The following ZNF710 variants were observed in gnomAD, a reference collection of about 807,000 sequenced individuals.
The protein encoded by ZNF710 is zinc finger protein 710.
ZNF710 carries 13 observed loss-of-function variants against 50.6 expected under a neutral mutation model. The ratio of observed to expected loss-of-function variants is 0.26; its 90% CI spans 0.17 to 0.41. The LOEUF is 0.41. Among genes scored for constraint, ZNF710 ranks in the 10% least tolerant of loss-of-function variants. The pLI, the probability that ZNF710 is intolerant of heterozygous loss-of-function variation, is 1.00. For synonymous variants in ZNF710, 383 were observed against 397.0 expected (o/e 0.96, Z 0.42); for missense variants, 721 against 936.6 (o/e 0.77, Z 3.01).
At position 90,018,170 on chromosome 15, in the gene ZNF710, CTTTTTTTTT is replaced by C. The variant is rs5814406; in HGVS notation, c.-29+16564_-29+16572del. Among the ~76,000 whole-genome samples, 10 of 128,392 alleles carry C rather than the reference CTTTTTTTTT, an allele frequency of 7.8e-5. No homozygotes were observed. In the South Asian group the frequency reaches 2.4e-3, roughly 31 times the overall value. The allele number at this position is 128,392 out of a possible 152,430, so 84.2% of individuals were successfully genotyped here. Reference sequence around the variant, plus strand: ...TTTTGGGGCTTTTCTTTTCTTTTTTCTTTTTTTTTTTTTTTTGAAATGGAGTCTTGCTCT... The same window carrying C: ...TTTTGGGGCTTTTCTTTTCTTTTTTCTTTTTTTGAAATGGAGTCTTGCTCT... On this transcript the variant is annotated intron_variant, in intron 1 of 4. Transcript: ENST00000268154.
Position 90,079,737 on chromosome 15 carries a change from G to T in ZNF710, c.1903G>T (p.Ala635Ser). ...GGAGATGGAGGACTTCGAGGAGAACGCCTACAGCTATGCGAGCGTGGACAG... is the reference window on the plus strand; with the variant it reads ...GGAGATGGAGGACTTCGAGGAGAACTCCTACAGCTATGCGAGCGTGGACAG... The part of the protein sequence containing the change: ...QQEMEDFEEN[A>S]YSYASVDSSA... The change falls in exon 5 of 5, where the codon GCC becomes TCC. Residue 635 changes from alanine to serine, a missense_variant. Ala to Ser is a moderately conservative substitution (Grantham distance 99, BLOSUM62 1). Coordinates refer to ENST00000268154, the MANE Select transcript of ZNF710 (RefSeq NM_198526.4). 6.2e-7 allele frequency: 1 copy of T among 1,613,848 alleles called. No homozygotes were observed. Among genetic ancestry groups the T allele is most frequent in the Middle Eastern group, 1.7e-4 (1 of 6,058 alleles).
At chr15:90,043,261 GC>G (rs1899356016) in intron 1 of ZNF710, among the ~76,000 whole-genome samples, 1 of 152,356 alleles carries the variant, frequency 6.6e-6, no homozygotes, top group Admixed American at 6.5e-5. Flanking sequence ...CTGGTTAAGG[GC>G]CCGAGGGCTC....
intron 1 of ZNF710, among the ~76,000 whole-genome samples, chr15:90,001,932 G>A (rs1478361897): frequency 6.9e-6 from 1 of 144,586 alleles, no homozygotes; most frequent in East Asian, 2.1e-4. Flanking sequence ...GAGGGAGCGA[G>A]CGAAAGAGGG....
chr15:90,029,655 G>A (rs982265106), intron 1 of ZNF710, among the ~76,000 whole-genome samples: 12 of 152,168 alleles, frequency 7.9e-5, no homozygotes, highest in Admixed American at 4.6e-4. Flanking sequence ...CAACTCTGTC[G>A]TCTAGGCTGG....
At position 90,057,772 on chromosome 15, in the gene ZNF710, C is replaced by T. The variant is rs1369733582; in HGVS notation, c.-28-9338C>T. ...AAGAAGCCTCTAGAAAATCCCATGT[C>T]CAGGCCCTGAACCCAGAGATTCTGG... is the stretch of plus-strand genomic sequence containing the variant. On this transcript the variant is annotated intron_variant, in intron 1 of 4. Coordinates refer to ENST00000268154, the MANE Select transcript of ZNF710 (RefSeq NM_198526.4). Among the ~76,000 whole-genome samples the T allele has an allele frequency of 2.0e-5, 3 of 151,536 alleles. No individual in the cohort carries two copies. In the East Asian group the frequency reaches 5.8e-4, roughly 29 times the overall value.
In ZNF710 at chr15:90,052,378, G is replaced by T. The variant is rs138126454; in HGVS notation, c.-28-14732G>T. Among the ~76,000 whole-genome samples, 5 of 152,218 alleles carry T rather than the reference G, an allele frequency of 3.3e-5. No individual in the cohort carries two copies. The East Asian group carries it at 9.7e-4, about 29-fold the overall frequency. Reference sequence around the variant, plus strand: ...TTTCTGCAGTCAATCTCCATTCCCAGATCTTTGTTTCTCCTGTCATTTCTG... The same window carrying T: ...TTTCTGCAGTCAATCTCCATTCCCATATCTTTGTTTCTCCTGTCATTTCTG... On this transcript the variant is annotated intron_variant, in intron 1 of 4. Transcript: ENST00000268154.
chr15:90,049,167 T>C (rs1332940097), intron 1 of ZNF710, among the ~76,000 whole-genome samples: 1 of 152,222 alleles, frequency 6.6e-6, no homozygotes, highest in African/African-American at 2.4e-5. Context: ...GTTCCAGGCA[T>C]ATCCCATTGC....
chr15:90,043,453 G>T (rs1013512367), intron 1 of ZNF710, among the ~76,000 whole-genome samples: 1 of 152,250 alleles, frequency 6.6e-6, no homozygotes, highest in Non-Finnish European at 1.5e-5. Context: ...ATGGCTGCCG[G>T]CCTGTGGCGC....
At chr15:90,048,082 G>T (rs1278210529) in intron 1 of ZNF710, among the ~76,000 whole-genome samples, 3 of 152,226 alleles carry the variant, frequency 2.0e-5, no homozygotes, top group Non-Finnish European at 4.4e-5. Flanking sequence ...GTTGGCCCAG[G>T]TTGGCACTGT....
At position 90,067,332 on chromosome 15, in the gene ZNF710, C is replaced by A. The variant is rs377270719; in HGVS notation, c.195C>A (p.Asp65Glu). The A allele has an allele frequency of 2.9e-5, 46 of 1,603,236 alleles. No homozygotes were observed. In the South Asian group the frequency reaches 4.0e-4, roughly 14 times the overall value. The change falls in exon 2 of 5, where the codon GAC becomes GAA. Residue 65 changes from aspartate (D) to glutamate (E), a missense_variant. Physicochemically the swap from Asp to Glu is conservative, Grantham distance 45 (BLOSUM62 2). Transcript: ENST00000268154. This position sits in a 1 kb window ranked among gnomAD's most constrained non-coding sequence, Gnocchi z 8.1. Reference protein sequence around the residue: ...AMGEPEPPGPDVYQLACNGRA... With the variant: ...AMGEPEPPGPEVYQLACNGRA... Reference sequence around the variant, plus strand: ...GAGAGCCCGAGCCACCAGGCCCCGACGTCTACCAGCTGGCCTGCAACGGGA... The same window carrying A: ...GAGAGCCCGAGCCACCAGGCCCCGAAGTCTACCAGCTGGCCTGCAACGGGA...
chr15:90,038,891 A>G (rs116008996), intron 1 of ZNF710, among the ~76,000 whole-genome samples: 1,976 of 152,302 alleles, frequency 0.013, 43 homozygotes, highest in African/African-American at 0.045. Context: ...CAGAGAGGCT[A>G]TCTCTTTGGC....
intron 1 of ZNF710, among the ~76,000 whole-genome samples, chr15:90,012,485 T>C (rs865984019): frequency 1.8e-4 from 28 of 151,950 alleles, no homozygotes; most frequent in African/African-American, 6.5e-4. Flanking sequence ...TTAGCCAGGA[T>C]AGTCTCGATC....
At chr15:90,070,727 G>A (rs1900350322) in intron 2 of ZNF710, among the ~76,000 whole-genome samples, 2 of 152,040 alleles carry the variant, frequency 1.3e-5, no homozygotes, top group South Asian at 4.2e-4. Context: ...ACTGAAGCAG[G>A]AGGATTGCTT....
At chr15:90,025,850 A>G (rs1378528269) in intron 1 of ZNF710, 1 of 152,234 alleles carries the variant, frequency 6.6e-6, no homozygotes, top group Admixed American at 6.5e-5. Context: ...AAGCACTTAA[A>G]TTGCTATTGG....
intron 1 of ZNF710, among the ~76,000 whole-genome samples, chr15:90,064,564 T>G (rs547647457): frequency 2.0e-5 from 3 of 152,350 alleles, no homozygotes; most frequent in African/African-American, 7.2e-5. Context: ...CTCTGCTCAC[T>G]GCAACTTCCG....
At chr15:90,065,815 A>G (rs3743114) in intron 1 of ZNF710, among the ~76,000 whole-genome samples, 71,366 of 152,052 alleles carry the variant, frequency 0.47, 19,315 homozygotes, top group East Asian at 0.74. Flanking sequence ...GCTGAGGCAG[A>G]AGGATCACTT....
chr15:90,063,212 G>A (rs570779042), intron 1 of ZNF710, among the ~76,000 whole-genome samples: 27 of 152,258 alleles, frequency 1.8e-4, no homozygotes, highest in Admixed American at 5.2e-4. Flanking sequence ...TGTGACCTCC[G>A]CGGGTGCATA....
intron 2 of ZNF710, among the ~76,000 whole-genome samples, chr15:90,071,405 G>C (rs186140953): frequency 1.3e-5 from 2 of 152,188 alleles, no homozygotes; most frequent in Admixed American, 1.3e-4. Context: ...GTTTATAAAA[G>C]AAACTCCTGA....
chr15:90,067,271 C>T lies in ZNF710; in HGVS notation c.134C>T (p.Pro45Leu), dbSNP rs1900199851. 9 of 1,612,606 alleles carry T rather than the reference C, an allele frequency of 5.6e-6. No individual in the cohort carries two copies. Among genetic ancestry groups the T allele is most frequent in the Non-Finnish European group, 6.8e-6 (8 of 1,179,596 alleles). Residue 45 changes from proline (P) to leucine (L), a missense_variant, in exon 2 of 5, where the codon CCG (proline) becomes CTG (leucine). Transcript: ENST00000268154. The surrounding 1 kb of genome is among the most constrained non-coding windows in gnomAD (Gnocchi z 8.1). ...GATISAEAFY[P>L]DLGPELSGAA... The stretch of plus-strand genomic sequence containing the variant: ...ACCATAAGCGCCGAGGCCTTCTACC[C>T]GGACCTGGGGCCCGAGCTTTCAGGG...
Sources: allele counts gnomAD v4.1 joint callset (sites outside exome capture counted in the v4.1 genomes callset), GRCh38; gene constraint gnomAD v4.1.1; non-coding constraint Gnocchi (gnomAD v3.1); transcripts MANE v1.5; gene names NCBI Gene and HGNC (gene_info 2026-07-23, HGNC 2026-07-21).